CDH17: variants seen among roughly 807,000 people sequenced by gnomAD.
CDH17 encodes cadherin-17.
Under a neutral mutation model 86.3 loss-of-function variants are expected in CDH17, and 67 were observed. The ratio of observed to expected loss-of-function variants is 0.78; its 90% confidence interval spans 0.64 to 0.95. The LOEUF is 0.95. CDH17 is among the 40% of genes least tolerant of loss of function. The pLI is 0.00. For synonymous variants in CDH17, 367 were observed against 366.4 expected, an observed-to-expected ratio of 1.00 and a Z score of -0.02; for missense variants, 993 against 1,017.6, an observed-to-expected ratio of 0.98 and a Z score of 0.33.
At chr8:94,142,702 T>C (rs1226422705) in intron 15 of CDH17, among the ~76,000 whole-genome samples, 1 of 152,198 alleles carries the variant, frequency 6.6e-6, no homozygotes, top group Admixed American at 6.6e-5. Context: ...ATTTCAACAA[T>C]GTTCATGGCA....
intron 1 of CDH17, among the ~76,000 whole-genome samples, chr8:94,206,631 T>A: frequency 7.5e-6 from 1 of 133,512 alleles, no homozygotes. Context: ...ATTTTGCACA[T>A]CATCCAGATT....
chr8:94,170,814 C>T (rs767159959), intron 8 of CDH17, 40 bp downstream of exon 8: 1 of 1,602,394 alleles, frequency 6.2e-7, no homozygotes, highest in East Asian at 2.2e-5. Context: ...GGGCATAGGA[C>T]TTTGTCTTGT....
At chr8:94,131,128 A>G in intron 15 of CDH17, 136 bp from the exon 16 acceptor site, 1 of 620,366 alleles carries the variant, frequency 1.6e-6, no homozygotes, top group Non-Finnish European at 2.9e-6. Context: ...AGTATCATCC[A>G]CATCATTCCA....
intron 15 of CDH17, among the ~76,000 whole-genome samples, chr8:94,140,943 A>T (rs188431135): frequency 6.6e-6 from 1 of 151,954 alleles, no homozygotes; most frequent in African/African-American, 2.4e-5. Flanking sequence ...AAACTTTAAG[A>T]AGAAGTAATA....
chr8:94,215,069 G>A (rs1317409301), intron 1 of CDH17, among the ~76,000 whole-genome samples: 6 of 152,112 alleles, frequency 3.9e-5, no homozygotes, highest in Admixed American at 3.9e-4. Flanking sequence ...AACCACTTTG[G>A]TAAACAGTCT....
At chr8:94,183,614 G>A (rs1327867817) in intron 3 of CDH17, among the ~76,000 whole-genome samples, 2 of 152,104 alleles carry the variant, frequency 1.3e-5, no homozygotes, top group East Asian at 1.9e-4. Flanking sequence ...AAAACTCTGA[G>A]AAGAAAGCAT....
chr8:94,203,351 T>G lies in CDH17; in HGVS notation c.-21+5132A>C, dbSNP rs1312088701. Among the ~76,000 whole-genome samples, 3 of 152,344 alleles carry G rather than the reference T, an allele frequency of 2.0e-5. No homozygotes were observed. The South Asian group carries it at 6.2e-4, about 32-fold the overall frequency. ...TGCAGAAGGAGAGAGCTACAGAATT[T>G]GTTTTCAAATATCCTAAGGTAGTGT... is the stretch of plus-strand genomic sequence containing the variant. On this transcript the variant is annotated intron_variant, in intron 1 of 17. Coordinates refer to ENST00000027335, the MANE Select transcript of CDH17 (RefSeq NM_004063.4).
At chr8:94,166,765 A>G (rs977924579) in intron 9 of CDH17, among the ~76,000 whole-genome samples, 2 of 152,190 alleles carry the variant, frequency 1.3e-5, no homozygotes, top group African/African-American at 4.8e-5. Flanking sequence ...AGAGATGCAC[A>G]CAGAGGAGGA....
intron 12 of CDH17, among the ~76,000 whole-genome samples, chr8:94,152,879 G>C (rs754904761): frequency 3.9e-5 from 6 of 152,130 alleles, no homozygotes; most frequent in African/African-American, 1.4e-4. Flanking sequence ...TGTTGGCCAG[G>C]CTGGTCTCAA....
At chr8:94,161,529 A>T (rs995800753) in intron 11 of CDH17, among the ~76,000 whole-genome samples, 3 of 152,148 alleles carry the variant, frequency 2.0e-5, no homozygotes, top group African/African-American at 7.2e-5. Context: ...AGAAAACAGT[A>T]ATTTGCATTT....
chr8:94,204,292 T>C (rs1387893353), intron 1 of CDH17, among the ~76,000 whole-genome samples: 1 of 152,060 alleles, frequency 6.6e-6, no homozygotes, highest in Non-Finnish European at 1.5e-5. Flanking sequence ...CCTAATACTC[T>C]CCCTCCGCTT....
chr8:94,156,042 G>A (rs1812943520), intron 12 of CDH17, among the ~76,000 whole-genome samples: 1 of 152,178 alleles, frequency 6.6e-6, no homozygotes, highest in Non-Finnish European at 1.5e-5. Flanking sequence ...GGATATGACT[G>A]TGAGGCCAAG....
chr8:94,154,464 C>T (rs1366939921), intron 12 of CDH17, among the ~76,000 whole-genome samples: 1 of 152,144 alleles, frequency 6.6e-6, no homozygotes, highest in Non-Finnish European at 1.5e-5. Context: ...AAAACTCAAG[C>T]CCCCAAATCA....
chr8:94,190,592 T>C (rs1813669990), intron 2 of CDH17, among the ~76,000 whole-genome samples: 1 of 152,308 alleles, frequency 6.6e-6, no homozygotes, highest in South Asian at 2.1e-4. Flanking sequence ...TGAAAGAGAT[T>C]GAAATCAGAA....
intron 9 of CDH17, among the ~76,000 whole-genome samples, chr8:94,167,773 A>T (rs964083393): frequency 1.2e-4 from 18 of 152,090 alleles, no homozygotes; most frequent in African/African-American, 4.3e-4. Context: ...CAGAGGCACC[A>T]TGAGGACTGC....
At chr8:94,148,130 G>A (rs981463865) in intron 14 of CDH17, among the ~76,000 whole-genome samples, 4 of 152,328 alleles carry the variant, frequency 2.6e-5, no homozygotes, top group African/African-American at 7.2e-5. Flanking sequence ...CACATTGGAA[G>A]AAGGGAGGTA....
At chr8:94,212,014 T>C (rs989734162), upstream of CDH17, among the ~76,000 whole-genome samples, 1 of 152,256 alleles carries the variant, frequency 6.6e-6, no homozygotes, top group Non-Finnish European at 1.5e-5. Context: ...TCCACATTTA[T>C]TTAGTGGAAT....
At chr8:94,200,989 G>T (rs1256030454) in intron 1 of CDH17, among the ~76,000 whole-genome samples, 2 of 152,080 alleles carry the variant, frequency 1.3e-5, no homozygotes, top group Non-Finnish European at 2.9e-5. Context: ...ACTTGCCCAA[G>T]GTCACAATGC....
chr8:94,208,256 A>T (rs1814067302), intron 1 of CDH17, among the ~76,000 whole-genome samples: 1 of 152,218 alleles, frequency 6.6e-6, no homozygotes, highest in African/African-American at 2.4e-5. Context: ...CCACTTCATC[A>T]AATGAATTTA....
Sources: allele counts gnomAD v4.1 joint callset (sites outside exome capture counted in the v4.1 genomes callset), GRCh38; gene constraint gnomAD v4.1.1; transcripts MANE v1.5; gene names NCBI Gene and HGNC (gene_info 2026-07-23, HGNC 2026-07-21).